MACROD2: variants seen among roughly 807,000 people sequenced by gnomAD.
MACROD2 encodes the protein mono-ADP ribosylhydrolase 2, also known as ADP-ribose glycohydrolase MACROD2.
MACROD2 carries 36 observed loss-of-function variants against 70.4 expected under a neutral mutation model. The observed-to-expected ratio is 0.51, with a 90% CI of 0.39 to 0.68. The LOEUF is 0.68. MACROD2 is among the 30% of genes least tolerant of loss of function. MACROD2 has a pLI of 0.00. For missense variants in MACROD2, 496 were observed against 538.4 expected (o/e 0.92, Z 0.78); for synonymous variants, 172 against 178.8 (o/e 0.96, Z 0.30).
chr20:15,557,621 A>T (rs1370269291), intron 8 of MACROD2, among the ~76,000 whole-genome samples: 1 of 152,238 alleles, frequency 6.6e-6, no homozygotes, highest in East Asian at 1.9e-4. Context: ...CTAGGACCTA[A>T]GCCAAAGGGC....
At chr20:15,200,782 A>G (rs1042445879) in intron 5 of MACROD2, among the ~76,000 whole-genome samples, 8 of 152,204 alleles carry the variant, frequency 5.3e-5, no homozygotes, top group African/African-American at 1.9e-4. Flanking sequence ...TAATGTTTAT[A>G]CAGATCCTCT....
chr20:15,649,285 G>C (rs550927003), intron 8 of MACROD2, among the ~76,000 whole-genome samples: 2 of 142,530 alleles, frequency 1.4e-5, no homozygotes, highest in Admixed American at 7.2e-5. Context: ...AAATCGGATA[G>C]CATTGTTATT....
chr20:15,065,448 G>T (rs1051250103), intron 5 of MACROD2, among the ~76,000 whole-genome samples: 1 of 152,128 alleles, frequency 6.6e-6, no homozygotes, highest in Admixed American at 6.5e-5. Flanking sequence ...AAGGTCAGGA[G>T]ATCGAGACCA....
chr20:15,815,942 G>A (rs1298069801), intron 8 of MACROD2, among the ~76,000 whole-genome samples: 3 of 152,018 alleles, frequency 2.0e-5, no homozygotes, highest in Non-Finnish European at 4.4e-5. Context: ...TATCTGAGGA[G>A]TTATTAATGT....
chr20:15,316,153 A>G (rs1190477729), intron 6 of MACROD2, among the ~76,000 whole-genome samples: 1 of 152,012 alleles, frequency 6.6e-6, no homozygotes, highest in Non-Finnish European at 1.5e-5. Flanking sequence ...TGAAGGAAAT[A>G]AGGAACAAAA....
At chr20:15,137,462 A>G (rs1334480145) in intron 5 of MACROD2, among the ~76,000 whole-genome samples, 2 of 150,258 alleles carry the variant, frequency 1.3e-5, no homozygotes, top group Non-Finnish European at 3.0e-5. Context: ...CGCAAGGACA[A>G]AAAACCAAAC....
rs927480107 is a variant in MACROD2, at chr20:15,459,473, T to C, written c.571+28038T>C. On this transcript the variant is annotated intron_variant, in intron 7 of 17. Coordinates refer to ENST00000684519, the MANE Select transcript of MACROD2 (RefSeq NM_001351661.2). Reference sequence around the variant, plus strand: ...AGCCTTTTTCCCCCCACTATCCTTGTATAGAAGCTTCCTTGATCTTTCCAG... The same window carrying C: ...AGCCTTTTTCCCCCCACTATCCTTGCATAGAAGCTTCCTTGATCTTTCCAG... Among the ~76,000 whole-genome samples the C allele has an allele frequency of 2.6e-5, 4 of 152,280 alleles. No homozygotes were observed. The South Asian group carries it at 6.2e-4, about 24-fold the overall frequency.
At chr20:15,082,526 T>TG in intron 5 of MACROD2, among the ~76,000 whole-genome samples, 1 of 132,372 alleles carries the variant, frequency 7.6e-6, no homozygotes, top group East Asian at 2.5e-4. Flanking sequence ...GCAAGAGGTT[T>TG]TTTTTTTTTT....
At chr20:15,934,860 G>A (rs541625519) in intron 11 of MACROD2, among the ~76,000 whole-genome samples, 67 of 151,976 alleles carry the variant, frequency 4.4e-4, no homozygotes, top group Non-Finnish European at 4.3e-4. Context: ...ACCATGCCTG[G>A]ATAATTTTTT....
rs115522049 is a variant in MACROD2 at position 15,063,097 on chromosome 20, C to T, written c.419-166843C>T. 3.1e-3 allele frequency among the ~76,000 whole-genome samples: 474 copies of T among 152,290 alleles called. 1 individual carries two copies. Among genetic ancestry groups the T allele is most frequent in the African/African-American group, 0.011 (461 of 41,550 alleles). ...CATGCAGCTTTATCTGCTTCACTCA[C>T]TCATTCATTCGCTTCATTCAGTCAA... is the stretch of plus-strand genomic sequence containing the variant. On this transcript the variant is annotated intron_variant, in intron 5 of 17. Coordinates refer to ENST00000684519, the MANE Select transcript of MACROD2 (RefSeq NM_001351661.2).
intron 5 of MACROD2, among the ~76,000 whole-genome samples, chr20:14,847,286 G>T (rs1208888605): frequency 6.6e-6 from 1 of 152,136 alleles, no homozygotes; most frequent in African/African-American, 2.4e-5. Flanking sequence ...TTGGACTGAT[G>T]TTTATTTATG....
At chr20:15,619,777 G>A (rs3803977) in intron 8 of MACROD2, 30 of 169,828 alleles carry the variant, frequency 1.8e-4, no homozygotes, top group Middle Eastern at 2.8e-3. Flanking sequence ...TCTTTCTCCC[G>A]CATGCCCTGC....
chr20:15,910,634 G>GA (rs1336195827), intron 10 of MACROD2, among the ~76,000 whole-genome samples: 2 of 152,156 alleles, frequency 1.3e-5, no homozygotes, highest in African/African-American at 4.8e-5. Flanking sequence ...GGTCACAACA[G>GA]AACGCAGAAT....
chr20:14,811,580 G>A (rs550336794), intron 5 of MACROD2, among the ~76,000 whole-genome samples: 2 of 152,246 alleles, frequency 1.3e-5, no homozygotes, highest in Admixed American at 1.3e-4. Flanking sequence ...ATTGACAAAT[G>A]GGATCTAATT....
chr20:15,074,315 G>A (rs553917257), intron 5 of MACROD2, among the ~76,000 whole-genome samples: 2 of 152,286 alleles, frequency 1.3e-5, no homozygotes, highest in East Asian at 1.9e-4. Flanking sequence ...TCAATCATGC[G>A]TACCTAATGA....
chr20:15,952,355 GA>G (rs1464834785), intron 12 of MACROD2, among the ~76,000 whole-genome samples: 1 of 151,954 alleles, frequency 6.6e-6, no homozygotes, highest in Non-Finnish European at 1.5e-5. Flanking sequence ...GGGTTTCCCT[GA>G]ATCTTCCTTC....
At chr20:15,329,203 G>A (rs2077964949) in intron 6 of MACROD2, among the ~76,000 whole-genome samples, 1 of 152,048 alleles carries the variant, frequency 6.6e-6, no homozygotes, top group Non-Finnish European at 1.5e-5. Flanking sequence ...ATTATTTTAT[G>A]AAGTTTTCTC....
chr20:15,140,834 A>G (rs2076186396), intron 5 of MACROD2, among the ~76,000 whole-genome samples: 1 of 152,194 alleles, frequency 6.6e-6, no homozygotes, highest in Non-Finnish European at 1.5e-5. Flanking sequence ...TCATGCTTCA[A>G]CTGCCCTCAT....
At chr20:15,452,881 A>G (rs2046662273) in intron 7 of MACROD2, among the ~76,000 whole-genome samples, 6 of 152,240 alleles carry the variant, frequency 3.9e-5, no homozygotes, top group Admixed American at 3.9e-4. Flanking sequence ...GCTTTCATAA[A>G]TGTTAAAGCC....
Sources: allele counts gnomAD v4.1 joint callset (sites outside exome capture counted in the v4.1 genomes callset), GRCh38; gene constraint gnomAD v4.1.1; transcripts MANE v1.5; gene names NCBI Gene and HGNC (gene_info 2026-07-23, HGNC 2026-07-21).